The following COL19A1 variants were observed in gnomAD, a reference collection of about 807,000 sequenced individuals.
COL19A1 encodes the protein collagen type XIX alpha 1 chain, also known as collagen alpha-1(XIX) chain.
A neutral mutation model predicts 190.2 loss-of-function variants in COL19A1; 159 were observed. That is an observed-to-expected ratio of 0.84 (90% CI 0.73 to 0.95). COL19A1 has a LOEUF of 0.95. COL19A1 is among the 40% of genes least tolerant of loss of function. The pLI is 0.00. For missense variants in COL19A1, 1,418 were observed against 1,431.9 expected (o/e 0.99, Z 0.16); for synonymous variants, 509 against 458.9 (o/e 1.11, Z -1.39).
intron 14 of COL19A1, among the ~76,000 whole-genome samples, chr6:70,056,398 A>T (rs1345344591): frequency 6.6e-6 from 1 of 152,120 alleles, no homozygotes; most frequent in Non-Finnish European, 1.5e-5. Context: ...TTGTGCTCCC[A>T]AGAAGAGAGA....
intron 37 of COL19A1, 83 bp from the exon 38 acceptor site, chr6:70,167,942 G>T (rs566191235): frequency 4.0e-6 from 4 of 993,526 alleles, no homozygotes; most frequent in South Asian, 1.7e-5. Flanking sequence ...AATAGGAATA[G>T]TATCATTTGG....
intron 2 of COL19A1, among the ~76,000 whole-genome samples, chr6:69,897,639 A>T (rs1259473406): frequency 6.6e-6 from 1 of 152,156 alleles, no homozygotes; most frequent in South Asian, 2.1e-4. Flanking sequence ...CATGTTTTAT[A>T]GATTTTAGTG....
At chr6:70,173,691 G>A (rs575875368) in intron 41 of COL19A1, among the ~76,000 whole-genome samples, 1 of 152,274 alleles carries the variant, frequency 6.6e-6, no homozygotes, top group African/African-American at 2.4e-5. Context: ...GGGTTTAAGA[G>A]AGAACGAGGA....
At chr6:70,045,748 T>A (rs944205757) in intron 14 of COL19A1, among the ~76,000 whole-genome samples, 1 of 152,212 alleles carries the variant, frequency 6.6e-6, no homozygotes, top group African/African-American at 2.4e-5. Flanking sequence ...AACCCCACTT[T>A]ACTTTACAGG....
chr6:70,171,925 G>C (rs1314049870), intron 40 of COL19A1, 39 bp from the exon 41 acceptor site: 2 of 1,601,524 alleles, frequency 1.2e-6, no homozygotes, highest in Middle Eastern at 1.7e-4. Context: ...AAAACATTTT[G>C]ATTATTGCTC....
At chr6:69,876,301 A>G (rs1450546430) in intron 1 of COL19A1, among the ~76,000 whole-genome samples, 2 of 152,234 alleles carry the variant, frequency 1.3e-5, no homozygotes. Context: ...GGTCGAATTC[A>G]TATGCTTATA....
At chr6:69,956,917 C>G (rs558141148) in intron 9 of COL19A1, among the ~76,000 whole-genome samples, 2 of 151,826 alleles carry the variant, frequency 1.3e-5, no homozygotes, top group Non-Finnish European at 2.9e-5. Flanking sequence ...AATAGGATCT[C>G]GGACATTTTA....
At chr6:69,947,651 G>T (rs1022002960) in intron 9 of COL19A1, among the ~76,000 whole-genome samples, 1 of 151,712 alleles carries the variant, frequency 6.6e-6, no homozygotes, top group African/African-American at 2.4e-5. Context: ...TATCTAGAAG[G>T]CCATGACCAT....
At chr6:69,885,939 A>C (rs910593533) in intron 2 of COL19A1, among the ~76,000 whole-genome samples, 1 of 152,224 alleles carries the variant, frequency 6.6e-6, no homozygotes, top group African/African-American at 2.4e-5. Flanking sequence ...ATTTTTGGAT[A>C]TCACATGAAA....
At chr6:70,112,682 CT>C (rs537640926) in intron 16 of COL19A1, among the ~76,000 whole-genome samples, 197 of 152,220 alleles carry the variant, frequency 1.3e-3, no homozygotes, top group Middle Eastern at 3.4e-3. Context: ...TTTAGAAAAT[CT>C]GCTTTTATGA....
At chr6:70,017,318 G>T (rs990715058) in intron 11 of COL19A1, among the ~76,000 whole-genome samples, 4 of 152,100 alleles carry the variant, frequency 2.6e-5, no homozygotes, top group African/African-American at 9.7e-5. Context: ...AGTTTTCTGG[G>T]ACTACAAGAG....
intron 4 of COL19A1, among the ~76,000 whole-genome samples, chr6:69,911,087 A>G (rs750486653): frequency 3.9e-5 from 6 of 152,184 alleles, no homozygotes; most frequent in Non-Finnish European, 8.8e-5. Flanking sequence ...TCTGTGTATC[A>G]CAAAATAGCA....
At chr6:70,180,658 T>C (rs1303265476) in intron 44 of COL19A1, 135 bp downstream of exon 44, 2 of 873,924 alleles carry the variant, frequency 2.3e-6, no homozygotes, top group African/African-American at 1.7e-5. Flanking sequence ...AGATGGATTT[T>C]TGATGGCAAG....
At chr6:70,175,870 T>A (rs1765769514) in intron 41 of COL19A1, among the ~76,000 whole-genome samples, 1 of 152,200 alleles carries the variant, frequency 6.6e-6, no homozygotes, top group Admixed American at 6.5e-5. Flanking sequence ...AAGCCTTTTA[T>A]GTCCCTGAGT....
At chr6:69,913,126 TTCTC>T (rs1771068463) in intron 4 of COL19A1, among the ~76,000 whole-genome samples, 1 of 152,098 alleles carries the variant, frequency 6.6e-6, no homozygotes, top group African/African-American at 2.4e-5. Flanking sequence ...TACGAGGCAA[TTCTC>T]TCTGTTATCC....
At chr6:69,908,362 A>G (rs771430776) in intron 4 of COL19A1, among the ~76,000 whole-genome samples, 14 of 151,854 alleles carry the variant, frequency 9.2e-5, no homozygotes, top group East Asian at 1.9e-4. Context: ...TTTCCTATAT[A>G]AGGATAGGTG....
At chr6:69,936,455 C>T (rs911150003) in intron 7 of COL19A1, among the ~76,000 whole-genome samples, 2 of 151,990 alleles carry the variant, frequency 1.3e-5, no homozygotes, top group Non-Finnish European at 2.9e-5. Flanking sequence ...GTTGTTTGTA[C>T]AAATTATTTT....
At chr6:70,060,880 G>C (rs1780789382) in intron 14 of COL19A1, among the ~76,000 whole-genome samples, 1 of 152,164 alleles carries the variant, frequency 6.6e-6, no homozygotes, top group South Asian at 2.1e-4. Flanking sequence ...TGTCCTTGGT[G>C]CTGAAAAGGT....
intron 15 of COL19A1, among the ~76,000 whole-genome samples, chr6:70,075,354 T>G (rs1781821115): frequency 6.6e-6 from 1 of 152,210 alleles, no homozygotes. Flanking sequence ...AGCTCCATGG[T>G]GGACTTTGGC....
Sources: gnomAD v4.1 joint callset for allele counts (sites outside exome capture counted in the v4.1 genomes callset) on GRCh38, gnomAD v4.1.1 for gene constraint, MANE v1.5 for transcripts, NCBI Gene and HGNC (gene_info 2026-07-23, HGNC 2026-07-21) for gene names.